CCT4: variants seen among roughly 807,000 people sequenced by gnomAD.
CCT4 encodes the protein T-complex protein 1 subunit delta.
Under a neutral mutation model 62.5 loss-of-function variants are expected in CCT4, and 17 were observed. The ratio of observed to expected loss-of-function variants is 0.27; its 90% confidence interval spans 0.19 to 0.41. CCT4 has a LOEUF of 0.41. Ranked by LOEUF, CCT4 falls within the 10% of genes least tolerant of loss-of-function variation. The pLI is 1.00. For synonymous variants in CCT4, 250 were observed against 229.9 expected, an observed-to-expected ratio of 1.09 and a Z score of -0.79; for missense variants, 592 against 659.2, an observed-to-expected ratio of 0.90 and a Z score of 1.12.
chr2:61,887,699 A>G (rs1669288915), intron 1 of CCT4, among the ~76,000 whole-genome samples: 1 of 152,242 alleles, frequency 6.6e-6, no homozygotes, highest in African/African-American at 2.4e-5. Flanking sequence ...TCACTAAGAC[A>G]TGAAGTAACG....
intron 4 of CCT4, 25 bp downstream of exon 4, chr2:61,880,261 C>T: frequency 8.2e-7 from 1 of 1,216,966 alleles, no homozygotes; most frequent in South Asian, 1.4e-5. Context: ...TTTCTTTATT[C>T]AGTAATAAAG....
intron 12 of CCT4, among the ~76,000 whole-genome samples, chr2:61,871,481 C>T (rs1322395923): frequency 5.3e-5 from 8 of 152,160 alleles, no homozygotes; most frequent in Admixed American, 5.2e-4. Context: ...ATTTCCTCAT[C>T]CCCTACCAAC....
intron 2 of CCT4, 141 bp from the exon 3 acceptor site, chr2:61,883,689 G>T: frequency 3.6e-6 from 2 of 556,100 alleles, no homozygotes; most frequent in East Asian, 3.4e-5. Flanking sequence ...TAGCATAATA[G>T]TTTAAGAATA....
chr2:61,871,936 CAT>C (rs1390073307), intron 12 of CCT4, 144 bp downstream of exon 12: 2 of 599,974 alleles, frequency 3.3e-6, no homozygotes, highest in Non-Finnish European at 5.7e-6. Context: ...CACTCAATGG[CAT>C]AGATTAATTA....
At chr2:61,881,869 G>A (rs1424230895) in intron 3 of CCT4, among the ~76,000 whole-genome samples, 2 of 143,906 alleles carry the variant, frequency 1.4e-5, no homozygotes, top group Non-Finnish European at 3.1e-5. Context: ...CAGTATCTTT[G>A]TAAAAAAAAA....
chr2:61,870,706 C>T (rs1201338504), intron 12 of CCT4, among the ~76,000 whole-genome samples: 1 of 152,090 alleles, frequency 6.6e-6, no homozygotes, highest in African/African-American at 2.4e-5. Flanking sequence ...ATTGCCTGAG[C>T]TCAGGAGTGC....
chr2:61,871,325 A>G (rs1668880141), intron 12 of CCT4, among the ~76,000 whole-genome samples: 1 of 152,100 alleles, frequency 6.6e-6, no homozygotes, highest in Admixed American at 6.6e-5. Context: ...GGCGTGAGCC[A>G]CCACGTCAGG....
At chr2:61,870,717 A>C (rs1156245262) in intron 12 of CCT4, among the ~76,000 whole-genome samples, 1 of 152,142 alleles carries the variant, frequency 6.6e-6, no homozygotes, top group Non-Finnish European at 1.5e-5. Context: ...TCAGGAGTGC[A>C]AAACCAGCCT....
Position 61,869,178 on chromosome 2 carries a change from A to G in CCT4, c.1605+262T>C, listed in dbSNP as rs190361858. Reference sequence around the variant, plus strand: ...AAAAAAAAAAAAAGTAAAAACTTTTAAAAAAACAATGGCCAGGTGTGGTGG... The same window carrying G: ...AAAAAAAAAAAAAGTAAAAACTTTTGAAAAAACAATGGCCAGGTGTGGTGG... On this transcript the variant is annotated intron_variant, in intron 13 of 13. Coordinates refer to ENST00000394440, the MANE Select transcript of CCT4 (RefSeq NM_006430.4). Among the ~76,000 whole-genome samples, 515 of 150,774 alleles carry G rather than the reference A, an allele frequency of 3.4e-3. 2 individuals carry two copies. The highest frequency in any genetic ancestry group is 5.9e-3 in the Non-Finnish European group (396 of 67,682).
At chr2:61,875,616 T>C (rs1668981805) in intron 8 of CCT4, among the ~76,000 whole-genome samples, 1 of 151,298 alleles carries the variant, frequency 6.6e-6, no homozygotes, top group Non-Finnish European at 1.5e-5. Context: ...AAAAAATTGC[T>C]ATTAGAAGTG....
At position 61,880,341 on chromosome 2, in the gene CCT4, T is replaced by A; in HGVS notation, c.324A>T (p.Ser108=). 6.2e-7 allele frequency: 1 copy of A among 1,608,516 alleles called. No homozygotes were observed. Among genetic ancestry groups the A allele is most frequent in the South Asian group, 1.1e-5 (1 of 89,542 alleles). ...AGAGGGAGCCAGCAATGATGACTAC[T>A]GATGTGGTGCCATCTCCTGCTTCTA... ...QDIEAGDGTT[S]VVIIAGSLLD... Residue 108 remains serine, a synonymous_variant, in exon 4 of 14, where the codon TCA becomes TCT. Coordinates refer to ENST00000394440, the MANE Select transcript of CCT4 (RefSeq NM_006430.4).
chr2:61,876,206 T>C lies in CCT4; in HGVS notation c.806A>G (p.Tyr269Cys), dbSNP rs774739770. 5 of 1,609,674 alleles carry C rather than the reference T, an allele frequency of 3.1e-6. No homozygotes were observed. The highest frequency in any genetic ancestry group is 2.2e-5 in the East Asian group (1 of 44,808). ...DMDNQIVVSD[Y>C]AQMDRVLREE... is the part of the protein sequence containing the mutation. ...TCGCAGCACTCGGTCCATCTGGGCA[T>C]AGTCAGAAACCACTATTTGATTATC... Residue 269 changes from tyrosine to cysteine, a missense_variant, in exon 8 of 14, where the codon TAT (tyrosine) becomes TGT (cysteine). Tyr to Cys is a radical substitution (Grantham distance 194). Coordinates refer to ENST00000394440, the MANE Select transcript of CCT4 (RefSeq NM_006430.4).
At chr2:61,883,773 G>GACAGACACACACACACACACACACAC (rs1216181852) in intron 2 of CCT4, among the ~76,000 whole-genome samples, 1 of 143,838 alleles carries the variant, frequency 7.0e-6, no homozygotes, top group Admixed American at 7.2e-5. Context: ...AAGAAATGTA[G>GACAGACACACACACACACACACACAC]ACACACACAC....
chr2:61,886,567 G>A (rs981707414), intron 1 of CCT4, among the ~76,000 whole-genome samples: 3 of 152,176 alleles, frequency 2.0e-5, no homozygotes, highest in Non-Finnish European at 2.9e-5. Context: ...AAGGCAGGCC[G>A]TCACTTGAGG....
chr2:61,884,018 A>G (rs1669180322), intron 2 of CCT4, among the ~76,000 whole-genome samples: 1 of 152,146 alleles, frequency 6.6e-6, no homozygotes, highest in African/African-American at 2.4e-5. Flanking sequence ...ATTTTTGAAT[A>G]TCCAGAGCGG....
chr2:61,875,028 A>C (rs899185610), intron 8 of CCT4, among the ~76,000 whole-genome samples: 1 of 151,586 alleles, frequency 6.6e-6, no homozygotes, highest in East Asian at 2.0e-4. Flanking sequence ...TGTAATCCCA[A>C]CTACTCGGGA....
At chr2:61,875,758 T>C (rs769573806) in intron 8 of CCT4, among the ~76,000 whole-genome samples, 4 of 152,166 alleles carry the variant, frequency 2.6e-5, no homozygotes, top group African/African-American at 7.2e-5. Flanking sequence ...TTGGCTATTT[T>C]AAAAAACCTA....
At chr2:61,869,372 C>CA (rs1189598580) in intron 13 of CCT4, 68 bp downstream of exon 13, 6 of 898,790 alleles carry the variant, frequency 6.7e-6, no homozygotes, top group African/African-American at 1.7e-5. Flanking sequence ...ACAACAACAA[C>CA]AAAAAACCTT....
intron 10 of CCT4, 77 bp from the exon 11 acceptor site, chr2:61,872,665 C>A: frequency 2.7e-6 from 4 of 1,476,050 alleles, no homozygotes; most frequent in Non-Finnish European, 3.7e-6. Context: ...CGGCGGCTCA[C>A]GCCTGTAAAC....
Sources: gnomAD v4.1 joint callset for allele counts (sites outside exome capture counted in the v4.1 genomes callset) on GRCh38, gnomAD v4.1.1 for gene constraint, MANE v1.5 for transcripts, NCBI Gene and HGNC (gene_info 2026-07-23, HGNC 2026-07-21) for gene names.